Variants in BSN observed in about 807,000 individuals in gnomAD.
BSN encodes bassoon presynaptic cytomatrix protein.
A neutral mutation model predicts 264.8 loss-of-function variants in BSN; 57 were observed. That is an observed-to-expected ratio of 0.22 (90% CI 0.17 to 0.27). The LOEUF (loss-of-function observed/expected upper bound fraction) is 0.27, where lower values mean the gene tolerates loss of function less well. BSN is among the 10% of genes least tolerant of loss of function. The probability of loss-of-function intolerance (pLI) is 1.00; values close to 1 mark genes in which losing one functional copy is unlikely to be tolerated. For synonymous variants in BSN, 2,059 were observed against 2,137.3 expected (o/e 0.96, Z 1.01); for missense variants, 4,615 against 5,232.5 (o/e 0.88, Z 3.64).
At chr3:49,598,703 G>A (rs1412020813) in intron 1 of BSN, among the ~76,000 whole-genome samples, 1 of 152,028 alleles carries the variant, frequency 6.6e-6, no homozygotes, top group Non-Finnish European at 1.5e-5. Context: ...CACCGTGCCC[G>A]GCCGCCACCA....
At chr3:49,564,117 C>G (rs573173827) in intron 1 of BSN, among the ~76,000 whole-genome samples, 14 of 152,278 alleles carry the variant, frequency 9.2e-5, no homozygotes, top group African/African-American at 3.4e-4. Context: ...CTGCCCTGCC[C>G]AAGGCTGTCA....
downstream of BSN, among the ~76,000 whole-genome samples, chr3:49,672,025 CTTTTTTTT>C (rs34710169): frequency 1.3e-4 from 13 of 100,412 alleles, no homozygotes; most frequent in African/African-American, 4.8e-4. Flanking sequence ...GTTGCTAGAC[CTTTTTTTT>C]TTTTTTTTTT....
At chr3:49,574,658 CAG>C (rs1286078308) in intron 1 of BSN, among the ~76,000 whole-genome samples, 1 of 99,770 alleles carries the variant, frequency 1.0e-5, no homozygotes, top group Non-Finnish European at 1.9e-5. Context: ...TTTTTTGAGA[CAG>C]AGTCTCACTC....
intron 1 of BSN, among the ~76,000 whole-genome samples, chr3:49,557,766 A>AGTACTTT (rs1157753815): frequency 6.6e-6 from 1 of 151,982 alleles, no homozygotes. Context: ...TTTAGTAGAG[A>AGTACTTT]TGGGATTTCA....
At chr3:49,560,750 TG>T (rs1212084825) in intron 1 of BSN, among the ~76,000 whole-genome samples, 1 of 152,168 alleles carries the variant, frequency 6.6e-6, no homozygotes, top group Non-Finnish European at 1.5e-5. Flanking sequence ...GTTGAAGCTG[TG>T]GAGTGAATTG....
intron 3 of BSN, among the ~76,000 whole-genome samples, chr3:49,646,459 A>G (rs2108075814): frequency 6.6e-6 from 1 of 152,310 alleles, no homozygotes; most frequent in East Asian, 1.9e-4. Flanking sequence ...TGCACCTGTG[A>G]TACATGGGGC....
In BSN at chr3:49,663,774, T is replaced by C. The variant is rs1230577850; in HGVS notation, c.11509-13T>C. 1 of 1,614,058 alleles carries C rather than the reference T, an allele frequency of 6.2e-7. No homozygotes were observed. The highest frequency in any genetic ancestry group is 2.2e-5 in the East Asian group (1 of 44,876). On this transcript the variant is annotated splice_polypyrimidine_tract_variant and intron_variant, in intron 7 of 11. Coordinates refer to ENST00000296452, the MANE Select transcript of BSN (RefSeq NM_003458.4). ...GCATGGGCAGAATCTTAGCTATAGG[T>C]TCTGTGTTGCAGCCACGGGCAGAAC...
chr3:49,672,324 C>T (rs995493120), downstream of BSN, among the ~76,000 whole-genome samples: 3 of 152,152 alleles, frequency 2.0e-5, no homozygotes, highest in African/African-American at 7.2e-5. Context: ...ACTATGTTCC[C>T]AGTGTTCCTA....
intron 1 of BSN, among the ~76,000 whole-genome samples, chr3:49,568,352 T>C (rs2051770224): frequency 6.6e-6 from 1 of 152,176 alleles, no homozygotes; most frequent in Non-Finnish European, 1.5e-5. Flanking sequence ...AAAATTTAAT[T>C]TTTAAAAATT....
At position 49,585,590 on chromosome 3, in the gene BSN, G is replaced by C. The variant is rs1014970257; in HGVS notation, c.224+30764G>C. On this transcript the variant is annotated intron_variant, in intron 1 of 11. Coordinates refer to ENST00000296452, the MANE Select transcript of BSN (RefSeq NM_003458.4). This position sits in a 1 kb window ranked among gnomAD's most constrained non-coding sequence, Gnocchi z 4.7. ...CGGTTTCCTTGGAAGTTAAATCTTG[G>C]AGGATTTGTCCACACCCCTCACGTT... Among the ~76,000 whole-genome samples the C allele has an allele frequency of 2.0e-5, 3 of 152,230 alleles. No individual in the cohort carries two copies. The highest frequency in any genetic ancestry group is 7.2e-5 in the African/African-American group (3 of 41,464).
rs1156598155 is a variant in BSN, at chr3:49,657,754, A to G, written c.8198A>G (p.Gln2733Arg). Residue 2733 changes from glutamine to arginine, a missense_variant, in exon 5 of 12, where the codon CAG becomes CGG. This residue lies in a region of BSN where 3,415 missense variants were observed against 3,866.4 expected (regional missense o/e 0.88). Transcript: ENST00000296452. ...CAGGCCCAGGGTGTAGCCGGGCCGC[A>G]GCTTGTAGGGCCAACTGCCATCAGC... is the stretch of plus-strand genomic sequence containing the variant. ...DGQAQGVAGP[Q>R]LVGPTAISPY... 1 of 1,549,262 alleles carries G rather than the reference A, an allele frequency of 6.5e-7. No homozygotes were observed. The highest frequency in any genetic ancestry group is 1.9e-5 in the Admixed American group (1 of 53,218).
chr3:49,629,129 TCTC>T (rs1268558485), intron 2 of BSN, among the ~76,000 whole-genome samples: 4 of 152,144 alleles, frequency 2.6e-5, no homozygotes, highest in Admixed American at 1.3e-4. Context: ...GGAAGACCAT[TCTC>T]CTTTTCTCTC....
In BSN at chr3:49,606,199, T is replaced by A. The variant is rs1261848279; in HGVS notation, c.225-18776T>A. 1.6e-3 allele frequency among the ~76,000 whole-genome samples: 101 copies of A among 62,308 alleles called. 2 individuals are homozygous for A. The highest frequency in any genetic ancestry group is 4.4e-3 in the African/African-American group (62 of 14,026). The allele number at this position is 62,308 out of a possible 152,430, so 40.9% of individuals were successfully genotyped here. On this transcript the variant is annotated intron_variant, in intron 1 of 11. Transcript: ENST00000296452. The stretch of plus-strand genomic sequence containing the variant: ...TATATGTATATATATTATATATACA[T>A]ATATTATATATGTATATATTATATA...
At chr3:49,659,685 G>A (rs149205277) in intron 5 of BSN, among the ~76,000 whole-genome samples, 17 of 152,264 alleles carry the variant, frequency 1.1e-4, no homozygotes, top group Non-Finnish European at 2.4e-4. Context: ...AGTGTCTAGG[G>A]TAGGCAAGGA....
rs2052588600 is a variant in BSN, at chr3:49,655,274, G to A, written c.5718G>A (p.Lys1906=). 1 of 1,613,092 alleles carries A rather than the reference G, an allele frequency of 6.2e-7. No homozygotes were observed. Among genetic ancestry groups the A allele is most frequent in the Non-Finnish European group, 8.5e-7 (1 of 1,179,962 alleles). ...TGGCATGCTGTGACATGGTCTACAA[G>A]CTCCCCTTTGGCAGCAGCTGCACTG... ...SQLACCDMVY[K]LPFGSSCTGT... Residue 1906 remains lysine (K), a synonymous_variant, in exon 5 of 12, where the codon AAG becomes AAA. Coordinates refer to ENST00000296452, the MANE Select transcript of BSN (RefSeq NM_003458.4).
intron 1 of BSN, among the ~76,000 whole-genome samples, chr3:49,572,568 C>G (rs970096725): frequency 2.0e-5 from 3 of 152,206 alleles, no homozygotes; most frequent in Non-Finnish European, 4.4e-5. Flanking sequence ...GTGTCTTGCT[C>G]TGTCGCCCAG....
chr3:49,616,925 G>A (rs1042883653), intron 1 of BSN, among the ~76,000 whole-genome samples: 3 of 152,162 alleles, frequency 2.0e-5, no homozygotes, highest in East Asian at 1.9e-4. Context: ...AAGGATTGGT[G>A]GGGGAGAGGC....
chr3:49,655,831 C>G lies in BSN; in HGVS notation c.6275C>G (p.Ala2092Gly). Residue 2092 changes from alanine (A) to glycine (G), a missense_variant, in exon 5 of 12, where the codon GCC becomes GGC. Coordinates refer to ENST00000296452, the MANE Select transcript of BSN (RefSeq NM_003458.4). ...FQEASLAQYS[A>G]TTAREISRMC... ...GAGGCCAGCCTGGCCCAGTACAGTG[C>G]CACCACAGCCCGTGAAATCAGTCGC... 1 of 1,613,334 alleles carries G rather than the reference C, an allele frequency of 6.2e-7. No homozygotes were observed. Among genetic ancestry groups the G allele is most frequent in the Non-Finnish European group, 8.5e-7 (1 of 1,180,012 alleles).
chr3:49,656,423 G>A lies in BSN; in HGVS notation c.6867G>A (p.Lys2289=), dbSNP rs1162029737. 4.4e-6 allele frequency: 7 copies of A among 1,588,926 alleles called. No individual in the cohort carries two copies. In the African/African-American group the frequency reaches 8.1e-5, roughly 18 times the overall value. ...ATCTGGGGAAACCTGCTGCTGCCAA[G>A]GCCCCTGGGGCTGGGGGCCCTTCAA... ...PVYLGKPAAA[K]APGAGGPSRP... Residue 2289 remains lysine, a synonymous_variant, in exon 5 of 12, where the codon AAG becomes AAA. Coordinates refer to ENST00000296452, the MANE Select transcript of BSN (RefSeq NM_003458.4).
Sources: allele counts gnomAD v4.1 joint callset (sites outside exome capture counted in the v4.1 genomes callset), GRCh38; gene constraint gnomAD v4.1.1; regional missense constraint gnomAD v4.1.1; non-coding constraint Gnocchi (gnomAD v3.1); transcripts MANE v1.5; gene names NCBI Gene and HGNC (gene_info 2026-07-23, HGNC 2026-07-21).